The following ORMDL3 variants were observed in gnomAD, a reference collection of about 807,000 sequenced individuals.
ORMDL3 encodes ORMDL sphingolipid biosynthesis regulator 3.
In ORMDL3, 6 loss-of-function variants were observed where a neutral mutation model predicts 12.6. The observed-to-expected ratio is 0.48, with a 90% CI of 0.26 to 0.94. The LOEUF (loss-of-function observed/expected upper bound fraction) is 0.94, where lower values mean the gene tolerates loss of function less well. Among genes scored for constraint, ORMDL3 ranks in the 40% least tolerant of loss-of-function variants. The pLI is 0.14. For synonymous variants in ORMDL3, 99 were observed against 87.2 expected, an observed-to-expected ratio of 1.14 and a Z score of -0.75; for missense variants, 159 against 205.5, an observed-to-expected ratio of 0.77 and a Z score of 1.38.
chr17:39,927,154 G>C (rs907981302), intron 1 of ORMDL3: 74 of 356,544 alleles, frequency 2.1e-4, no homozygotes, highest in Non-Finnish European at 2.8e-4. Flanking sequence ...CTTCGCACTC[G>C]GAACCCGGTC....
chr17:39,927,092 C>A, intron 1 of ORMDL3: 1 of 840,106 alleles, frequency 1.2e-6, no homozygotes, highest in Non-Finnish European at 1.4e-6. Context: ...CTGAGTGAGA[C>A]CTCGGGTGCG....
Position 39,927,548 on chromosome 17 carries a change from G to C in ORMDL3, c.-87C>G. On this transcript the variant is annotated 5_prime_UTR_variant, in exon 1 of 4. Transcript: ENST00000304046. ...GGGAGCGGGGGCCGCTGCTGCTCCA[G>C]CAGCTGTAACAACCCGCGGCTGCAG... 1.0e-6 allele frequency: 1 copy of C among 985,516 alleles called. No homozygotes were observed. The highest frequency in any genetic ancestry group is 1.7e-5 in the African/African-American group (1 of 57,366). The allele number at this position is 985,516 out of a possible 1,614,324, so 61.0% of individuals were successfully genotyped here.
chr17:39,927,323 G>C, intron 1 of ORMDL3, 161 bp downstream of exon 1: 1 of 418,952 alleles, frequency 2.4e-6, no homozygotes, highest in Non-Finnish European at 3.2e-6. Context: ...TTATTCCTTG[G>C]CCACCTCCCC....
chr17:39,927,345 C>A, intron 1 of ORMDL3, 139 bp downstream of exon 1: 1 of 546,134 alleles, frequency 1.8e-6, no homozygotes, highest in Non-Finnish European at 2.3e-6. Flanking sequence ...GCCGATGCAC[C>A]CCCTCGGCTG....
intron 1 of ORMDL3, 140 bp from the exon 2 acceptor site, chr17:39,924,365 G>C (rs1340480549): frequency 1.3e-6 from 1 of 793,208 alleles, no homozygotes; most frequent in East Asian, 2.8e-5. Flanking sequence ...AGCATGGAAA[G>C]TGGAGAAAGT....
intron 1 of ORMDL3, 26 bp from the exon 2 acceptor site, chr17:39,924,251 C>G: frequency 1.3e-6 from 2 of 1,551,024 alleles, no homozygotes; most frequent in East Asian, 2.3e-5. Flanking sequence ...ACAGGTCAGA[C>G]AGGTCACACT....
chr17:39,925,006 G>A (rs1267047738), intron 1 of ORMDL3, among the ~76,000 whole-genome samples: 2 of 152,126 alleles, frequency 1.3e-5, no homozygotes, highest in Non-Finnish European at 2.9e-5. Context: ...CAAACCACCA[G>A]GGCCCTTTTC....
Position 39,922,428 on chromosome 17 carries a change from G to C in ORMDL3, c.*122C>G. 1 of 1,255,120 alleles carries C rather than the reference G, an allele frequency of 8.0e-7. No individual in the cohort carries two copies. The highest frequency in any genetic ancestry group is 1.1e-6 in the Non-Finnish European group (1 of 922,136). 77.7% of individuals were successfully genotyped at this position (1,255,120 alleles called of 1,614,324 possible). ...GGAAGCGAGGGGGGAAATTAGGCCAGAGGCTCAACCCCCATCTCTGGCAGT... is the reference window on the plus strand; with the variant it reads ...GGAAGCGAGGGGGGAAATTAGGCCACAGGCTCAACCCCCATCTCTGGCAGT... On this transcript the variant is annotated 3_prime_UTR_variant, in exon 4 of 4. Transcript: ENST00000304046.
chr17:39,927,445 C>T (rs983704411), intron 1 of ORMDL3, 39 bp downstream of exon 1: 1 of 985,546 alleles, frequency 1.0e-6, no homozygotes, highest in Non-Finnish European at 1.2e-6. Flanking sequence ...TCCCGCCCCT[C>T]CCGTAGCCCT....
At chr17:39,924,519 A>C (rs901665507) in intron 1 of ORMDL3, among the ~76,000 whole-genome samples, 2 of 152,140 alleles carry the variant, frequency 1.3e-5, no homozygotes, top group Non-Finnish European at 2.9e-5. Flanking sequence ...AGGGCAGAGA[A>C]GTCAAGGCCC....
intron 3 of ORMDL3, among the ~76,000 whole-genome samples, chr17:39,922,905 C>T (rs1213514384): frequency 6.6e-6 from 1 of 152,216 alleles, no homozygotes; most frequent in East Asian, 1.9e-4. Flanking sequence ...AGGCCTATCT[C>T]ACTAGCAGGA....
chr17:39,923,098 G>C lies in ORMDL3; in HGVS notation c.326+14C>G. 2.5e-6 allele frequency: 4 copies of C among 1,614,018 alleles called. No individual in the cohort carries two copies. Among genetic ancestry groups the C allele is most frequent in the Non-Finnish European group, 3.4e-6 (4 of 1,179,932 alleles). ...CCCTGCCTGCTGGTGTCTTCCTGTA[G>C]CCCAGGCACTCACAGCACGATGGGT... On this transcript the variant is annotated intron_variant, in intron 3 of 3. Coordinates refer to ENST00000304046, the MANE Select transcript of ORMDL3 (RefSeq NM_139280.4).
intron 2 of ORMDL3, 23 bp from the exon 3 acceptor site, chr17:39,923,286 G>A (rs967839255): frequency 3.1e-6 from 5 of 1,613,420 alleles, no homozygotes; most frequent in Middle Eastern, 1.6e-4. Context: ...GTCTTTGTTA[G>A]AGGATACAAA....
chr17:39,923,952 T>C (rs1598286283), intron 2 of ORMDL3, 78 bp downstream of exon 2: 1 of 1,415,356 alleles, frequency 7.1e-7, no homozygotes, highest in Non-Finnish European at 9.4e-7. Flanking sequence ...GACAGGCTCC[T>C]CCTATCCCTC....
At position 39,922,688 on chromosome 17, in the gene ORMDL3, G is replaced by C; in HGVS notation, c.327-3C>G. ...TGTAGAAGCTGGTGAGGAAGTACCT[G>C]GGAGGGGAAGGGTGGGGAGAGATAT... On this transcript the variant is annotated splice_polypyrimidine_tract_variant and splice_region_variant and intron_variant, in intron 3 of 3. Transcript: ENST00000304046. 1 of 1,613,706 alleles carries C rather than the reference G, an allele frequency of 6.2e-7. No homozygotes were observed. Among genetic ancestry groups the C allele is most frequent in the Non-Finnish European group, 8.5e-7 (1 of 1,179,760 alleles).
At chr17:39,923,655 G>C (rs189050218) in intron 2 of ORMDL3, among the ~76,000 whole-genome samples, 1 of 152,122 alleles carries the variant, frequency 6.6e-6, no homozygotes, top group Non-Finnish European at 1.5e-5. Context: ...AGTGGAAGAC[G>C]GTTCGAGAAG....
At chr17:39,927,407 G>T (rs1978492570) in intron 1 of ORMDL3, 77 bp downstream of exon 1, 1 of 983,932 alleles carries the variant, frequency 1.0e-6, no homozygotes, top group African/African-American at 1.8e-5. Context: ...CCAGCCCGGG[G>T]CGCCTCCCCA....
rs868077617 is a variant in ORMDL3 at position 39,924,113 on chromosome 17, C to T, written c.91G>A (p.Gly31Ser). Residue 31 changes from glycine to serine, a missense_variant, in exon 2 of 4, where the codon GGT becomes AGT. Physicochemically the swap from Gly to Ser is moderately conservative, Grantham distance 56. Coordinates refer to ENST00000304046, the MANE Select transcript of ORMDL3 (RefSeq NM_139280.4). ...CTCAGCAGCACGATGTGGAGGAGAC[C>T]GATGGCCAGCACGTAGGAGAGCCAG... Reference protein sequence around the residue: ...GIWLSYVLAIGLLHIVLLSIP... With the variant: ...GIWLSYVLAISLLHIVLLSIP... 8.7e-6 allele frequency: 14 copies of T among 1,614,100 alleles called. No homozygotes were observed. The highest frequency in any genetic ancestry group is 1.7e-5 in the Admixed American group (1 of 60,020).
intron 1 of ORMDL3, chr17:39,926,999 G>C (rs1244482453): frequency 1.0e-6 from 1 of 985,588 alleles, no homozygotes; most frequent in African/African-American, 1.7e-5. Context: ...GGTAGGAGCG[G>C]AAAGCGAGTG....
Sources: gnomAD v4.1 joint callset for allele counts (sites outside exome capture counted in the v4.1 genomes callset) on GRCh38, gnomAD v4.1.1 for gene constraint, MANE v1.5 for transcripts, NCBI Gene and HGNC (gene_info 2026-07-23, HGNC 2026-07-21) for gene names.